SLMAP: variants seen among roughly 807,000 people sequenced by gnomAD.
The protein encoded by SLMAP is sarcolemma associated protein, also known as sarcolemmal membrane-associated protein.
SLMAP carries 44 observed loss-of-function variants against 128.8 expected under a neutral mutation model. That is an observed-to-expected ratio of 0.34 (90% CI 0.27 to 0.44). The LOEUF (loss-of-function observed/expected upper bound fraction) is 0.44. Ranked by LOEUF, SLMAP falls within the 20% of genes least tolerant of loss-of-function variation. The probability of loss-of-function intolerance (pLI) is 1.00; values close to 1 mark genes in which losing one functional copy is unlikely to be tolerated. For synonymous variants in SLMAP, 327 were observed against 348.8 expected (o/e 0.94, Z 0.70); for missense variants, 787 against 985.3 (o/e 0.80, Z 2.69).
chr3:57,890,377 C>T (rs1178045166), intron 15 of SLMAP: 2 of 299,440 alleles, frequency 6.7e-6, no homozygotes, highest in East Asian at 5.7e-5. Flanking sequence ...AGATTTGTTG[C>T]AATCTCTGTC....
intron 3 of SLMAP, among the ~76,000 whole-genome samples, chr3:57,833,219 G>T (rs2093440438): frequency 6.6e-6 from 1 of 152,182 alleles, no homozygotes. Context: ...ACTTCTTGGA[G>T]CTTTTAATAT....
Position 57,905,407 on chromosome 3 carries a change from A to C in SLMAP, c.1502-2477A>C, listed in dbSNP as rs2096505693. On this transcript the variant is annotated intron_variant, in intron 17 of 24. Coordinates refer to ENST00000671191, the MANE Select transcript of SLMAP (RefSeq NM_001377540.1). ...AGCGATTCTCCTGCCTCAGCCTCCC[A>C]AGTAGCTGGGACTACAGGTGTGCAT... Among the ~76,000 whole-genome samples, 3 of 151,820 alleles carry C rather than the reference A, an allele frequency of 2.0e-5. No individual in the cohort carries two copies. The South Asian group carries it at 6.2e-4, about 32-fold the overall frequency.
intron 2 of SLMAP, among the ~76,000 whole-genome samples, chr3:57,810,675 C>A (rs759594120): frequency 2.0e-5 from 3 of 152,184 alleles, no homozygotes; most frequent in Admixed American, 6.5e-5. Context: ...CCAAGGTCGT[C>A]GGTGGCTTTC....
At chr3:57,764,875 G>C (rs1174779103) in intron 2 of SLMAP, among the ~76,000 whole-genome samples, 1 of 152,198 alleles carries the variant, frequency 6.6e-6, no homozygotes, top group African/African-American at 2.4e-5. Context: ...CAGGTTAACA[G>C]TAGGAATGAA....
chr3:57,785,995 A>G (rs7649133), intron 2 of SLMAP, among the ~76,000 whole-genome samples: 96,227 of 152,048 alleles, frequency 0.63, 31,084 homozygotes, highest in East Asian at 0.98. Context: ...TCTAGGTGAC[A>G]GAGATGAAAA....
In SLMAP at chr3:57,785,140, T is replaced by A. The variant is rs2083825181; in HGVS notation, c.198+27291T>A. On this transcript the variant is annotated intron_variant, in intron 2 of 24. Transcript: ENST00000671191. Reference sequence around the variant, plus strand: ...AAATGTTTGCAAGATTTAGCAAACATAAACGTTTACTTGGTTTTAGAGAAT... The same window carrying A: ...AAATGTTTGCAAGATTTAGCAAACAAAAACGTTTACTTGGTTTTAGAGAAT... Among the ~76,000 whole-genome samples the A allele has an allele frequency of 2.0e-5, 3 of 152,186 alleles. No individual in the cohort carries two copies. The South Asian group carries it at 6.2e-4, about 31-fold the overall frequency.
intron 13 of SLMAP, among the ~76,000 whole-genome samples, chr3:57,868,795 A>AATATATATATATAT (rs3037511): frequency 2.4e-5 from 3 of 124,690 alleles, no homozygotes; most frequent in Admixed American, 9.4e-5. Flanking sequence ...GAACTAATGG[A>AATATATATATATAT]ATATATATAT....
intron 4 of SLMAP, among the ~76,000 whole-genome samples, chr3:57,842,604 C>T (rs997766630): frequency 1.4e-4 from 22 of 152,018 alleles, no homozygotes; most frequent in Admixed American, 5.2e-4. Context: ...AAACTTTGAA[C>T]AGTTACGTAA....
intron 3 of SLMAP, among the ~76,000 whole-genome samples, chr3:57,832,402 G>A (rs1425600719): frequency 1.3e-5 from 2 of 152,164 alleles, no homozygotes; most frequent in Admixed American, 6.5e-5. Flanking sequence ...ATTTTTGAAA[G>A]TTCTTTAGCT....
Position 57,912,583 on chromosome 3 carries a change from G to A in SLMAP, c.1902G>A (p.Glu634=). The change falls in exon 20 of 25, where the codon GAG becomes GAA. Residue 634 remains glutamate, a synonymous_variant. Transcript: ENST00000671191. ...EELKKVRAEL[E]RWRKAASEYE... is the part of the protein sequence containing the mutation. Reference sequence around the variant, plus strand: ...TTAAGAAGGTGAGAGCTGAGCTTGAGCGGTGGCGGAAAGCAGCGTCTGAAT... The same window carrying A: ...TTAAGAAGGTGAGAGCTGAGCTTGAACGGTGGCGGAAAGCAGCGTCTGAAT... 1.2e-6 allele frequency: 2 copies of A among 1,614,190 alleles called. No individual in the cohort carries two copies. Among genetic ancestry groups the A allele is most frequent in the Non-Finnish European group, 1.7e-6 (2 of 1,180,028 alleles).
chr3:57,770,169 G>A lies in SLMAP; in HGVS notation c.198+12320G>A, dbSNP rs72874890. 6.8e-3 allele frequency among the ~76,000 whole-genome samples: 1,039 copies of A among 152,254 alleles called. 13 individuals carry two copies. Among genetic ancestry groups the A allele is most frequent in the African/African-American group, 0.023 (966 of 41,524 alleles). ...TCTGAGTGTCTCATTCTTGCAGTGC[G>A]GTGTGGTGTCCAGCACATAATCCTG... On this transcript the variant is annotated intron_variant, in intron 2 of 24. Transcript: ENST00000671191.
chr3:57,841,318 T>C lies in SLMAP; in HGVS notation c.366T>C (p.Val122=). The C allele has an allele frequency of 6.2e-7, 1 of 1,605,854 alleles. No homozygotes were observed. The highest frequency in any genetic ancestry group is 1.1e-5 in the South Asian group (1 of 90,372). Residue 122 remains valine (V), a synonymous_variant, in exon 4 of 25, where the codon GTT becomes GTC. Coordinates refer to ENST00000671191, the MANE Select transcript of SLMAP (RefSeq NM_001377540.1). The stretch of plus-strand genomic sequence containing the variant: ...AACCAGTTACCCATGGGTGTATTGT[T>C]TCCACAATAAAACTTTTTCTACCAG... ...NTRKVTHGCI[V]STIKLFLPDG... is the part of the protein sequence containing the mutation.
intron 5 of SLMAP, among the ~76,000 whole-genome samples, chr3:57,848,682 CCTT>C (rs2094385888): frequency 6.8e-6 from 1 of 146,562 alleles, no homozygotes; most frequent in South Asian, 2.2e-4. Context: ...CCTCTTCCTT[CCTT>C]CTTCTTTCTT....
chr3:57,917,102 C>T, intron 22 of SLMAP, 25 bp downstream of exon 22: 1 of 1,612,908 alleles, frequency 6.2e-7, no homozygotes, highest in Non-Finnish European at 8.5e-7. Flanking sequence ...CATTATGAGC[C>T]CAATTATGGT....
intron 2 of SLMAP, among the ~76,000 whole-genome samples, chr3:57,815,554 G>C (rs2091741791): frequency 6.6e-6 from 1 of 151,826 alleles, no homozygotes; most frequent in Non-Finnish European, 1.5e-5. Flanking sequence ...GTATCATTCT[G>C]ATAATAACCA....
At chr3:57,884,986 CAG>C (rs2095841696) in intron 14 of SLMAP, among the ~76,000 whole-genome samples, 1 of 150,876 alleles carries the variant, frequency 6.6e-6, no homozygotes, top group Admixed American at 6.6e-5. Context: ...TTGACAAAGA[CAG>C]AGATCAAACC....
chr3:57,855,563 G>C (rs1389385244), intron 6 of SLMAP, among the ~76,000 whole-genome samples: 1 of 151,312 alleles, frequency 6.6e-6, no homozygotes, highest in African/African-American at 2.4e-5. Flanking sequence ...GTACACTTAG[G>C]CTGCTTTAAA....
intron 2 of SLMAP, among the ~76,000 whole-genome samples, chr3:57,822,528 A>G (rs2092606455): frequency 6.6e-6 from 1 of 152,146 alleles, no homozygotes. Context: ...CATCCAAGGG[A>G]GTACTTGATA....
chr3:57,844,134 T>C (rs1162228755), intron 4 of SLMAP, among the ~76,000 whole-genome samples: 1 of 151,566 alleles, frequency 6.6e-6, no homozygotes, highest in African/African-American at 2.4e-5. Context: ...GGCTCGTGCC[T>C]GTAATCCCAG....
Sources: allele counts gnomAD v4.1 joint callset (sites outside exome capture counted in the v4.1 genomes callset), GRCh38; gene constraint gnomAD v4.1.1; transcripts MANE v1.5; gene names NCBI Gene and HGNC (gene_info 2026-07-23, HGNC 2026-07-21).